Variants in HEATR4 observed in about 807,000 individuals in gnomAD.
The protein encoded by HEATR4 is HEAT repeat-containing protein 4.
HEATR4 carries 95 observed loss-of-function variants against 108.8 expected under a neutral mutation model. The ratio of observed to expected loss-of-function variants is 0.87; its 90% CI spans 0.74 to 1.04. HEATR4 has a LOEUF of 1.04. Among genes scored for constraint, HEATR4 ranks in the 50% least tolerant of loss-of-function variants. HEATR4 has a pLI of 0.00. For synonymous variants in HEATR4, 443 were observed against 459.4 expected, an observed-to-expected ratio of 0.96 and a Z score of 0.46; for missense variants, 1,152 against 1,253.8, an observed-to-expected ratio of 0.92 and a Z score of 1.23.
the HEATR4 span, among the ~76,000 whole-genome samples, chr14:73,578,784 T>C: frequency 6.6e-6 from 1 of 151,166 alleles, no homozygotes; most frequent in Non-Finnish European, 1.5e-5. Context: ...TGAAACCCTG[T>C]CTCTACTAAA....
chr14:73,619,375 A>G, the HEATR4 span: 1 of 1,614,196 alleles, frequency 6.2e-7, no homozygotes, highest in Non-Finnish European at 8.5e-7. Context: ...TCTACATTAC[A>G]AGGATATGAT....
At chr14:73,614,264 C>A in the HEATR4 span, among the ~76,000 whole-genome samples, 2 of 152,232 alleles carry the variant, frequency 1.3e-5, no homozygotes, top group Middle Eastern at 3.4e-3. Context: ...AAACCGAATT[C>A]TGTGATTATT....
intron 17 of HEATR4, among the ~76,000 whole-genome samples, chr14:73,485,974 A>G (rs1885437110): frequency 6.6e-6 from 1 of 152,158 alleles, no homozygotes; most frequent in Non-Finnish European, 1.5e-5. Flanking sequence ...TCAGCCTACC[A>G]AAGTGTTGGG....
At chr14:73,576,045 T>TG in the HEATR4 span, among the ~76,000 whole-genome samples, 1 of 151,874 alleles carries the variant, frequency 6.6e-6, no homozygotes, top group Non-Finnish European at 1.5e-5. Context: ...CACAGCTACT[T>TG]GGGAGGCTGA....
chr14:73,632,320 T>G, the HEATR4 span, among the ~76,000 whole-genome samples: 9 of 152,048 alleles, frequency 5.9e-5, no homozygotes, highest in Non-Finnish European at 1.2e-4. Context: ...TTCTTCACTG[T>G]GAAAGATTCA....
the HEATR4 span, among the ~76,000 whole-genome samples, chr14:73,584,363 C>A: frequency 0.017 from 2,654 of 152,060 alleles, 49 homozygotes; most frequent in Middle Eastern, 0.054. Flanking sequence ...GCCCCTCAGT[C>A]AAATTCTTTC....
At position 73,503,017 on chromosome 14, in the gene HEATR4, TA is replaced by T; in HGVS notation, c.1987-5del. ...GGATCAACTTATGTTTCATATCCTA[TA>T]AATAGGTATGATCATTAGGTATCAT... On this transcript the variant is annotated splice_region_variant and splice_polypyrimidine_tract_variant and intron_variant, in intron 10 of 17. Coordinates refer to ENST00000553558, the MANE Select transcript of HEATR4 (RefSeq NM_001220484.1). The T allele has an allele frequency of 1.3e-6, 2 of 1,597,568 alleles. No individual in the cohort carries two copies. The highest frequency in any genetic ancestry group is 2.2e-5 in the South Asian group (2 of 90,760).
intron 7 of HEATR4, among the ~76,000 whole-genome samples, chr14:73,510,008 G>A (rs1185860940): frequency 1.3e-5 from 2 of 150,212 alleles, no homozygotes; most frequent in Non-Finnish European, 3.0e-5. Flanking sequence ...CGAGTAGCTG[G>A]GACTACAGGC....
the HEATR4 span, chr14:73,593,790 C>T: frequency 6.2e-7 from 1 of 1,614,056 alleles, no homozygotes; most frequent in South Asian, 1.1e-5. Flanking sequence ...CTGGCCATGG[C>T]TTTGCCACGT....
intron 10 of HEATR4, among the ~76,000 whole-genome samples, chr14:73,504,697 A>G (rs1595102862): frequency 6.6e-6 from 1 of 152,158 alleles, no homozygotes. Flanking sequence ...TGTGCTTCCC[A>G]TATCAAAATG....
chr14:73,575,576 G>C, the HEATR4 span: 23 of 1,551,164 alleles, frequency 1.5e-5, no homozygotes, highest in African/African-American at 3.1e-4. Context: ...GCCACATTTA[G>C]TGTGTGTATG....
the HEATR4 span, chr14:73,569,083 C>T: frequency 1.1e-6 from 1 of 903,190 alleles, no homozygotes; most frequent in Non-Finnish European, 1.7e-6. Flanking sequence ...AAGTAGCTTT[C>T]CAACATAAAG....
chr14:73,573,527 C>T, the HEATR4 span: 325 of 1,613,486 alleles, frequency 2.0e-4, 5 homozygotes, highest in Non-Finnish European at 2.5e-4. Flanking sequence ...TCCCCAAGAC[C>T]ATGGAGACGC....
chr14:73,563,944 T>C (rs1889566362), upstream of HEATR4, among the ~76,000 whole-genome samples: 2 of 151,652 alleles, frequency 1.3e-5, no homozygotes, highest in African/African-American at 2.4e-5. Context: ...AAGGCTGCAA[T>C]GAACTATCAT....
intron 17 of HEATR4, among the ~76,000 whole-genome samples, chr14:73,480,365 A>G (rs533602947): frequency 6.6e-6 from 1 of 152,276 alleles, no homozygotes; most frequent in Non-Finnish European, 1.5e-5. Flanking sequence ...CGCTTGAACC[A>G]GGAGGCAGAG....
the HEATR4 span, among the ~76,000 whole-genome samples, chr14:73,583,485 A>G: frequency 9.2e-5 from 14 of 152,062 alleles, no homozygotes; most frequent in Admixed American, 9.2e-4. Context: ...GTAGTTACAT[A>G]GAGCTGAGCA....
At chr14:73,501,456 T>A (rs1248154632) in intron 11 of HEATR4, among the ~76,000 whole-genome samples, 5 of 152,042 alleles carry the variant, frequency 3.3e-5, no homozygotes, top group Non-Finnish European at 1.5e-5. Context: ...GGTCTTGCTA[T>A]GTTGCCCAGG....
At chr14:73,558,380 T>G (rs1287958417) in intron 1 of HEATR4, among the ~76,000 whole-genome samples, 5 of 142,020 alleles carry the variant, frequency 3.5e-5, no homozygotes, top group Middle Eastern at 3.5e-3. Flanking sequence ...GTTTTTTTTT[T>G]TTTGAGACAG....
intron 5 of HEATR4, among the ~76,000 whole-genome samples, chr14:73,516,390 C>T (rs1242010373): frequency 6.6e-5 from 7 of 106,372 alleles, no homozygotes; most frequent in Admixed American, 1.0e-4. Flanking sequence ...TTCTCTCAGG[C>T]GATTTGAAAT....
Sources: allele counts gnomAD v4.1 joint callset (sites outside exome capture counted in the v4.1 genomes callset), GRCh38; gene constraint gnomAD v4.1.1; transcripts MANE v1.5; gene names NCBI Gene and HGNC (gene_info 2026-07-23, HGNC 2026-07-21).